Variants in RBFOX1 observed in about 807,000 individuals in gnomAD.
RBFOX1 encodes RNA binding fox-1 homolog 1.
In RBFOX1, 8 loss-of-function variants were observed where a neutral mutation model predicts 57.7. The ratio of observed to expected loss-of-function variants is 0.14; its 90% CI spans 0.08 to 0.25. RBFOX1 has a LOEUF of 0.25. Among genes scored for constraint, RBFOX1 ranks in the 10% least tolerant of loss-of-function variants. The probability of loss-of-function intolerance (pLI) is 1.00; values close to 1 mark genes in which losing one functional copy is unlikely to be tolerated. For synonymous variants in RBFOX1, 326 were observed against 222.4 expected (o/e 1.47, Z -4.15); for missense variants, 611 against 548.5 (o/e 1.11, Z -1.14).
At chr16:7,057,641 A>C (rs2052778217) in intron 4 of RBFOX1, among the ~76,000 whole-genome samples, 2 of 152,166 alleles carry the variant, frequency 1.3e-5, no homozygotes, top group Non-Finnish European at 2.9e-5. Flanking sequence ...ATGAAGCAAC[A>C]CAGTTGCCCA....
At chr16:7,225,676 G>T (rs368850500) in intron 4 of RBFOX1, among the ~76,000 whole-genome samples, 2 of 144,780 alleles carry the variant, frequency 1.4e-5, no homozygotes, top group Admixed American at 7.4e-5. Flanking sequence ...AGGTGGCACG[G>T]GACAGAAATC....
At chr16:5,347,094 C>G (rs965050057) in intron 1 of RBFOX1, among the ~76,000 whole-genome samples, 10 of 152,226 alleles carry the variant, frequency 6.6e-5, no homozygotes, top group Admixed American at 1.3e-4. Flanking sequence ...TCTGGCTGCT[C>G]TATTGACAAT....
At chr16:6,702,266 A>G (rs2061970887) in intron 3 of RBFOX1, among the ~76,000 whole-genome samples, 1 of 152,156 alleles carries the variant, frequency 6.6e-6, no homozygotes, top group African/African-American at 2.4e-5. Flanking sequence ...AAATATCCAA[A>G]TTATCGGCCA....
At chr16:6,506,624 ATTTTTTTTTTTTTTTTTTTT>A (rs71145238) in intron 2 of RBFOX1, among the ~76,000 whole-genome samples, 1,129 of 98,336 alleles carry the variant, frequency 0.011, 17 homozygotes, top group African/African-American at 0.047. Flanking sequence ...ACAGTAGCTA[ATTTTTTTTTTTTTTTTTTTT>A]TTTTTTTTTT....
At chr16:7,680,611 CA>C (rs201432320) in intron 14 of RBFOX1, among the ~76,000 whole-genome samples, 3,512 of 152,188 alleles carry the variant, frequency 0.023, 55 homozygotes, top group Non-Finnish European at 0.035. Context: ...CCATGAAAGC[CA>C]AGAAGCTTTT....
chr16:7,027,143 C>T (rs1046643589), intron 3 of RBFOX1, among the ~76,000 whole-genome samples: 2 of 152,196 alleles, frequency 1.3e-5, no homozygotes, highest in Admixed American at 1.3e-4. Flanking sequence ...GTGCTAAGAA[C>T]AGTCTACCCT....
chr16:6,814,700 C>G (rs1373320239), intron 3 of RBFOX1, among the ~76,000 whole-genome samples: 1 of 152,008 alleles, frequency 6.6e-6, no homozygotes, highest in Non-Finnish European at 1.5e-5. Context: ...TGTGGAAGGT[C>G]TTGGAAACCT....
At chr16:7,679,483 G>A (rs8057924) in intron 14 of RBFOX1, among the ~76,000 whole-genome samples, 1,970 of 152,268 alleles carry the variant, frequency 0.013, 39 homozygotes, top group African/African-American at 0.045. Context: ...TTTTGGTAAT[G>A]CTCACTGGTT....
intron 1 of RBFOX1, among the ~76,000 whole-genome samples, chr16:6,259,712 C>T (rs2097690066): frequency 6.6e-6 from 1 of 152,076 alleles, no homozygotes; most frequent in Non-Finnish European, 1.5e-5. Flanking sequence ...AATAGCAGCA[C>T]TTTGGGAAGC....
rs34771627 is a variant in RBFOX1, at chr16:6,691,467, A to ATT, written c.-16+36824_-16+36825dup. Among the ~76,000 whole-genome samples, 81 of 151,624 alleles carry ATT rather than the reference A, an allele frequency of 5.3e-4. No homozygotes were observed. The Middle Eastern group carries it at 0.01, about 19-fold the overall frequency. On this transcript the variant is annotated intron_variant, in intron 3 of 15. Transcript: ENST00000550418. The stretch of plus-strand genomic sequence containing the variant: ...CTTTACCATCTATTCCTTTTTCTTT[A>ATT]TTTTTTTTGTGGATGCCACTCAAGT...
chr16:5,556,893 G>A (rs982663590), intron 2 of RBFOX1, among the ~76,000 whole-genome samples: 60 of 152,160 alleles, frequency 3.9e-4, no homozygotes, highest in African/African-American at 1.3e-3. Flanking sequence ...TATAGGCTCT[G>A]GGGATTTCTG....
chr16:5,297,322 T>A (rs899412108), intron 1 of RBFOX1, among the ~76,000 whole-genome samples: 2 of 152,250 alleles, frequency 1.3e-5, no homozygotes, highest in African/African-American at 4.8e-5. Flanking sequence ...GAGGAATCTC[T>A]GTACTATTTT....
chr16:6,755,503 G>T (rs1024021338), intron 3 of RBFOX1, among the ~76,000 whole-genome samples: 1 of 152,128 alleles, frequency 6.6e-6, no homozygotes. Flanking sequence ...AATGTCTCCT[G>T]TTTTAATGCC....
intron 1 of RBFOX1, among the ~76,000 whole-genome samples, chr16:5,290,065 G>A (rs1407006656): frequency 6.6e-6 from 1 of 152,194 alleles, no homozygotes; most frequent in African/African-American, 2.4e-5. Context: ...GTACTAACAC[G>A]TGCTACAACA....
At chr16:6,118,091 T>C (rs1208665466) in intron 1 of RBFOX1, among the ~76,000 whole-genome samples, 2 of 152,202 alleles carry the variant, frequency 1.3e-5, no homozygotes, top group Non-Finnish European at 2.9e-5. Flanking sequence ...TCTTCACCCA[T>C]CTTCTCTGAG....
At chr16:6,715,708 T>C (rs1227960289) in intron 3 of RBFOX1, among the ~76,000 whole-genome samples, 1 of 152,182 alleles carries the variant, frequency 6.6e-6, no homozygotes, top group Admixed American at 6.5e-5. Context: ...CAGAAATGCC[T>C]GGTTTGTTGT....
chr16:5,593,859 C>G (rs72763274), intron 2 of RBFOX1, among the ~76,000 whole-genome samples: 1 of 152,082 alleles, frequency 6.6e-6, no homozygotes, highest in Non-Finnish European at 1.5e-5. Context: ...ATCCAAGAAC[C>G]CTCGTTTGGG....
rs1403238786 is a variant in RBFOX1 at position 5,856,553 on chromosome 16, G to A, written c.319-10750G>A. On this transcript the variant is annotated intron_variant, in intron 3 of 19. Transcript: ENST00000641259. Reference sequence around the variant, plus strand: ...TATATGTGTATGTGTGTGTGTGTGTGTGTGTGTGTATGTGTGTGTGTGTAT... The same window carrying A: ...TATATGTGTATGTGTGTGTGTGTGTATGTGTGTGTATGTGTGTGTGTGTAT... Among the ~76,000 whole-genome samples, 6 of 63,162 alleles carry A rather than the reference G, an allele frequency of 9.5e-5. No individual in the cohort carries two copies. The South Asian group carries it at 1.9e-3, about 20-fold the overall frequency. The allele number at this position is 63,162 out of a possible 152,430, so 41.4% of individuals were successfully genotyped here.
At chr16:6,376,359 T>A (rs937021879) in intron 2 of RBFOX1, among the ~76,000 whole-genome samples, 1 of 152,100 alleles carries the variant, frequency 6.6e-6, no homozygotes, top group African/African-American at 2.4e-5. Flanking sequence ...CTAGGTGGCT[T>A]AAAAAAGCAG....
Sources: gnomAD v4.1 joint callset for allele counts (sites outside exome capture counted in the v4.1 genomes callset) on GRCh38, gnomAD v4.1.1 for gene constraint, MANE v1.5 for transcripts, NCBI Gene and HGNC (gene_info 2026-07-23, HGNC 2026-07-21) for gene names.